Variants in PTPN13 observed in about 807,000 individuals in gnomAD.
PTPN13 encodes protein tyrosine phosphatase non-receptor type 13, also known as tyrosine-protein phosphatase non-receptor type 13.
PTPN13 carries 191 observed loss-of-function variants against 284.0 expected under a neutral mutation model. The ratio of observed to expected loss-of-function variants is 0.67; its 90% confidence interval spans 0.60 to 0.76. The LOEUF is 0.76. PTPN13 is among the 30% of genes least tolerant of loss of function. PTPN13 has a pLI of 0.00. For synonymous variants in PTPN13, 986 were observed against 1,022.3 expected, an observed-to-expected ratio of 0.96 and a Z score of 0.68; for missense variants, 2,797 against 2,939.9, an observed-to-expected ratio of 0.95 and a Z score of 1.12.
chr4:86,636,782 A>G (rs1005780891), intron 2 of PTPN13, among the ~76,000 whole-genome samples: 5 of 152,170 alleles, frequency 3.3e-5, no homozygotes, highest in African/African-American at 1.2e-4. Flanking sequence ...AAAAGCAAGA[A>G]CAAATACATT....
intron 3 of PTPN13, among the ~76,000 whole-genome samples, chr4:86,684,568 A>C (rs573475990): frequency 6.6e-6 from 1 of 152,326 alleles, no homozygotes; most frequent in Admixed American, 6.5e-5. Context: ...CAACTTTTCT[A>C]ATCTGTAATT....
chr4:86,650,130 G>T (rs558803224), intron 2 of PTPN13, among the ~76,000 whole-genome samples: 1 of 150,742 alleles, frequency 6.6e-6, no homozygotes, highest in Admixed American at 6.6e-5. Context: ...GGGATTGCAG[G>T]TGCCCACCAC....
At chr4:86,728,564 T>C (rs528102175) in intron 10 of PTPN13, among the ~76,000 whole-genome samples, 3 of 147,432 alleles carry the variant, frequency 2.0e-5, no homozygotes, top group South Asian at 2.2e-4. Context: ...TTTACCATTA[T>C]GTAATGGCCT....
rs187118093 is a variant in PTPN13 at position 86,710,270 on chromosome 4, G to A, written c.1196-6260G>A. Among the ~76,000 whole-genome samples the A allele has an allele frequency of 4.4e-3, 665 of 152,120 alleles. 3 individuals are homozygous for A. The highest frequency in any genetic ancestry group is 0.014 in the African/African-American group (591 of 41,514). ...AAAAGCAGTCATTTTATTTCTCTTC[G>A]AAACTTGTGTCTGTAATTTGGGTCA... On this transcript the variant is annotated intron_variant, in intron 7 of 47. Coordinates refer to ENST00000411767, the MANE Select transcript of PTPN13 (RefSeq NM_080683.3).
At chr4:86,636,662 G>C (rs113683304) in intron 2 of PTPN13, among the ~76,000 whole-genome samples, 7,081 of 151,748 alleles carry the variant, frequency 0.047, 218 homozygotes, top group African/African-American at 0.061. Flanking sequence ...AGAATCTCTG[G>C]GACACATTCA....
intron 16 of PTPN13, among the ~76,000 whole-genome samples, chr4:86,742,235 A>G (rs1736244825): frequency 6.6e-6 from 1 of 152,218 alleles, no homozygotes; most frequent in South Asian, 2.1e-4. Context: ...TTTGAATCTC[A>G]GAGGTACAGA....
chr4:86,698,376 T>C (rs1349284628), intron 6 of PTPN13, among the ~76,000 whole-genome samples: 1 of 152,152 alleles, frequency 6.6e-6, no homozygotes, highest in Non-Finnish European at 1.5e-5. Flanking sequence ...GAGGGTCTTC[T>C]GAAATATAAG....
intron 2 of PTPN13, among the ~76,000 whole-genome samples, chr4:86,660,897 G>T (rs1361983308): frequency 6.6e-6 from 1 of 152,102 alleles, no homozygotes; most frequent in Non-Finnish European, 1.5e-5. Flanking sequence ...TTAGATAGGA[G>T]AGTTGCTACA....
chr4:86,694,509 C>T (rs1255645531), intron 6 of PTPN13, among the ~76,000 whole-genome samples: 2 of 130,668 alleles, frequency 1.5e-5, no homozygotes, highest in African/African-American at 3.0e-5. Context: ...ACCGGGGAGG[C>T]AGAGGTTGCA....
At position 86,767,829 on chromosome 4, in the gene PTPN13, T is replaced by G; in HGVS notation, c.4342T>G (p.Leu1448Val). The G allele has an allele frequency of 1.3e-6, 2 of 1,579,902 alleles. No individual in the cohort carries two copies. Among genetic ancestry groups the G allele is most frequent in the Non-Finnish European group, 1.7e-6 (2 of 1,161,776 alleles). The change falls in exon 28 of 48, where the codon TTA becomes GTA. Residue 1448 changes from leucine (L) to valine (V), a missense_variant. Transcript: ENST00000411767. ...LRNTGQVVHL[L>V]LEKGQSPTSK... ...TTTACTTATCCAGGTGGTTCATCTG[T>G]TATTAGAAAAGGGACAATCTCCAAC...
At chr4:86,673,197 G>T (rs1287019770) in intron 3 of PTPN13, among the ~76,000 whole-genome samples, 1 of 152,142 alleles carries the variant, frequency 6.6e-6, no homozygotes, top group African/African-American at 2.4e-5. Context: ...GGAGGTGGGG[G>T]TTGGGGACCC....
chr4:86,615,603 C>T (rs1419069137), intron 1 of PTPN13, among the ~76,000 whole-genome samples: 2 of 152,098 alleles, frequency 1.3e-5, no homozygotes, highest in Non-Finnish European at 2.9e-5. Context: ...TCTGAGGCCA[C>T]CCCAGTCACC....
Position 86,727,460 on chromosome 4 carries a change from G to A in PTPN13, c.1609-4940G>A, listed in dbSNP as rs552184420. On this transcript the variant is annotated intron_variant, in intron 10 of 47. Transcript: ENST00000411767. ...TCTGGTCTTGGACTTTTTTTGGTTGGTAGGCTATTAATTATTGCCTCAATT... is the reference window on the plus strand; with the variant it reads ...TCTGGTCTTGGACTTTTTTTGGTTGATAGGCTATTAATTATTGCCTCAATT... Among the ~76,000 whole-genome samples, 20 of 149,406 alleles carry A rather than the reference G, an allele frequency of 1.3e-4. 2 individuals carry two copies. Among genetic ancestry groups the A allele is most frequent in the Non-Finnish European group, 2.6e-4 (17 of 66,550 alleles).
chr4:86,733,623 G>GTTC (rs1170842427), intron 12 of PTPN13, among the ~76,000 whole-genome samples: 4 of 152,004 alleles, frequency 2.6e-5, no homozygotes, highest in Non-Finnish European at 5.9e-5. Flanking sequence ...ACCTACTGAT[G>GTTC]TTCTATCACT....
chr4:86,671,607 C>G (rs1388630206), intron 2 of PTPN13, among the ~76,000 whole-genome samples: 4 of 152,058 alleles, frequency 2.6e-5, no homozygotes, highest in African/African-American at 9.7e-5. Flanking sequence ...GGTATGAGCT[C>G]TTAGGCATCT....
intron 43 of PTPN13, among the ~76,000 whole-genome samples, chr4:86,804,560 A>G (rs767695143): frequency 2.2e-4 from 34 of 152,316 alleles, no homozygotes; most frequent in South Asian, 1.2e-3. Flanking sequence ...TTGTTCTTCA[A>G]GTTCTTAGAT....
intron 9 of PTPN13, among the ~76,000 whole-genome samples, chr4:86,718,889 T>G (rs1363984740): frequency 6.6e-6 from 1 of 152,230 alleles, no homozygotes; most frequent in Non-Finnish European, 1.5e-5. Context: ...TAGCATTTTA[T>G]ATTACTGTGT....
At chr4:86,814,365 C>A (rs1745569292) in intron 47 of PTPN13, 91 bp from the exon 48 acceptor site, 8 of 870,708 alleles carry the variant, frequency 9.2e-6, no homozygotes, top group Non-Finnish European at 1.4e-5. Flanking sequence ...CAAAACTCAT[C>A]CAACATCACT....
intron 1 of PTPN13, among the ~76,000 whole-genome samples, chr4:86,630,260 C>G (rs574835190): frequency 2.0e-5 from 3 of 152,154 alleles, no homozygotes; most frequent in African/African-American, 7.2e-5. Flanking sequence ...ACAGAAAAAA[C>G]CTTCCCAAGT....
Sources: gnomAD v4.1 joint callset for allele counts (sites outside exome capture counted in the v4.1 genomes callset) on GRCh38, gnomAD v4.1.1 for gene constraint, MANE v1.5 for transcripts, NCBI Gene and HGNC (gene_info 2026-07-23, HGNC 2026-07-21) for gene names.